Variants in NDST4 observed in about 807,000 individuals in gnomAD.
NDST4 encodes the protein N-deacetylase and N-sulfotransferase 4.
Under a neutral mutation model 100.8 loss-of-function variants are expected in NDST4, and 63 were observed. That is an observed-to-expected ratio of 0.62 (90% CI 0.51 to 0.77). The LOEUF (loss-of-function observed/expected upper bound fraction) is 0.77, where lower values mean the gene tolerates loss of function less well. Ranked by LOEUF, NDST4 falls within the 30% of genes least tolerant of loss-of-function variation. The pLI is 0.00. For synonymous variants in NDST4, 377 were observed against 361.8 expected (o/e 1.04, Z -0.48); for missense variants, 943 against 1,018.4 (o/e 0.93, Z 1.01).
At chr4:114,978,015 C>G (rs540790702) in intron 2 of NDST4, among the ~76,000 whole-genome samples, 1 of 152,036 alleles carries the variant, frequency 6.6e-6, no homozygotes, top group South Asian at 2.1e-4. Context: ...AAATTTGTTG[C>G]CAATCCTTTC....
chr4:114,898,771 T>G (rs1724770478), intron 6 of NDST4, among the ~76,000 whole-genome samples: 1 of 152,334 alleles, frequency 6.6e-6, no homozygotes, highest in South Asian at 2.1e-4. Context: ...TATACCTAAA[T>G]ATTTCATTTT....
Position 115,046,894 on chromosome 4 carries a change from A to G in NDST4, c.978+29165T>C, listed in dbSNP as rs1445454904. On this transcript the variant is annotated intron_variant, in intron 2 of 13. Transcript: ENST00000264363. ...AAAATTGTAAGAAATATTAACTCTT[A>G]AAAATGACTTCCTTTTCATATATTT... 3.9e-5 allele frequency among the ~76,000 whole-genome samples: 6 copies of G among 152,250 alleles called. No homozygotes were observed. The East Asian group carries it at 1.2e-3, about 29-fold the overall frequency.
chr4:115,037,180 G>T (rs977743657), intron 2 of NDST4, among the ~76,000 whole-genome samples: 2 of 151,766 alleles, frequency 1.3e-5, no homozygotes, highest in African/African-American at 2.4e-5. Flanking sequence ...CTTCCTGAAA[G>T]AAAAAAAGAT....
intron 2 of NDST4, among the ~76,000 whole-genome samples, chr4:115,046,479 A>G (rs1490889613): frequency 1.3e-5 from 2 of 152,134 alleles, no homozygotes; most frequent in Non-Finnish European, 2.9e-5. Context: ...ACTGTGGCAT[A>G]TTTTCCCAAG....
intron 2 of NDST4, among the ~76,000 whole-genome samples, chr4:115,023,265 C>T (rs1447475987): frequency 1.3e-5 from 2 of 152,116 alleles, no homozygotes; most frequent in Admixed American, 6.6e-5. Context: ...GCAGGCAGAT[C>T]ACTTGAGGTC....
At chr4:114,900,796 A>G (rs578109075) in intron 6 of NDST4, among the ~76,000 whole-genome samples, 1 of 152,244 alleles carries the variant, frequency 6.6e-6, no homozygotes, top group Admixed American at 6.5e-5. Context: ...AGATTTTCTT[A>G]TAAGCACTGC....
At chr4:115,074,662 T>C (rs1211061035) in intron 2 of NDST4, among the ~76,000 whole-genome samples, 1 of 152,156 alleles carries the variant, frequency 6.6e-6, no homozygotes, top group Non-Finnish European at 1.5e-5. Context: ...GGTTCACATA[T>C]ACTTTGAAGG....
Position 115,058,263 on chromosome 4 carries a change from T to C in NDST4, c.978+17796A>G, listed in dbSNP as rs145312196. Among the ~76,000 whole-genome samples the C allele has an allele frequency of 2.6e-5, 4 of 152,304 alleles. No individual in the cohort carries two copies. The East Asian group carries it at 5.8e-4, about 22-fold the overall frequency. On this transcript the variant is annotated intron_variant, in intron 2 of 13. Coordinates refer to ENST00000264363, the MANE Select transcript of NDST4 (RefSeq NM_022569.3). ...AATGTGACTTTTTAAAAATTCCTTG[T>C]ATAATGTTAATGATATTCAATCATG... is the stretch of plus-strand genomic sequence containing the variant.
At chr4:115,073,842 A>G (rs1042021583) in intron 2 of NDST4, among the ~76,000 whole-genome samples, 8 of 152,058 alleles carry the variant, frequency 5.3e-5, no homozygotes, top group Non-Finnish European at 8.8e-5. Flanking sequence ...ATTAATTCCT[A>G]TGTCATTTTT....
At chr4:115,106,244 T>C (rs1729831571) in intron 1 of NDST4, among the ~76,000 whole-genome samples, 1 of 152,122 alleles carries the variant, frequency 6.6e-6, no homozygotes, top group Non-Finnish European at 1.5e-5. Context: ...TTGTATTAAA[T>C]AGGATCACAG....
chr4:115,000,052 A>C (rs1727252353), intron 2 of NDST4, among the ~76,000 whole-genome samples: 1 of 151,938 alleles, frequency 6.6e-6, no homozygotes, highest in Admixed American at 6.6e-5. Flanking sequence ...CTATGTTGTA[A>C]TCTAATGCCA....
At chr4:114,860,986 C>G (rs575544512) in intron 7 of NDST4, among the ~76,000 whole-genome samples, 2 of 152,324 alleles carry the variant, frequency 1.3e-5, no homozygotes, top group South Asian at 4.1e-4. Context: ...ATAATTCAAA[C>G]AGGCTATTAA....
In NDST4 at chr4:115,071,999, A is replaced by C. The variant is rs538055016; in HGVS notation, c.978+4060T>G. ...AATTATAGAAGTTCAAGAAAAACAC[A>C]GAGATAAAAAGCCATAAAGCTTATT... On this transcript the variant is annotated intron_variant, in intron 2 of 13. Transcript: ENST00000264363. Among the ~76,000 whole-genome samples the C allele has an allele frequency of 2.2e-4, 34 of 152,252 alleles. 1 individual carries two copies. The South Asian group carries it at 6.8e-3, about 31-fold the overall frequency.
intron 6 of NDST4, among the ~76,000 whole-genome samples, chr4:114,883,854 C>A (rs529625545): frequency 6.6e-6 from 1 of 152,036 alleles, no homozygotes; most frequent in African/African-American, 2.4e-5. Flanking sequence ...CCCTTGCATG[C>A]GCAGTTCACA....
At chr4:114,865,462 C>T (rs1317169174) in intron 7 of NDST4, among the ~76,000 whole-genome samples, 1 of 152,124 alleles carries the variant, frequency 6.6e-6, no homozygotes, top group Non-Finnish European at 1.5e-5. Flanking sequence ...AGAAAGCCAA[C>T]TCAATAAAAT....
intron 4 of NDST4, among the ~76,000 whole-genome samples, chr4:114,947,367 C>T (rs1471538328): frequency 1.3e-5 from 2 of 152,072 alleles, no homozygotes; most frequent in African/African-American, 2.4e-5. Flanking sequence ...GGAAAGCAAG[C>T]GCCCAAGAAG....
intron 1 of NDST4, among the ~76,000 whole-genome samples, chr4:115,084,391 GAGAAATTCAAGCCTGCTGC>G (rs1488462738): frequency 1.3e-5 from 2 of 152,202 alleles, no homozygotes; most frequent in Non-Finnish European, 2.9e-5. Flanking sequence ...ATATTCTGGG[GAGAAATTCAAGCCTGCTGC>G]AGAAATTTGC....
At chr4:115,098,484 G>A (rs745991419) in intron 1 of NDST4, among the ~76,000 whole-genome samples, 31 of 152,096 alleles carry the variant, frequency 2.0e-4, no homozygotes, top group African/African-American at 5.1e-4. Flanking sequence ...AAAAGAACAC[G>A]CAAAGTATAT....
intron 11 of NDST4, among the ~76,000 whole-genome samples, chr4:114,836,363 G>A (rs1019552103): frequency 2.6e-5 from 4 of 151,976 alleles, no homozygotes; most frequent in Admixed American, 6.6e-5. Context: ...TTTCTCTTTC[G>A]CTTATGAAGC....
Sources: allele counts gnomAD v4.1 joint callset (sites outside exome capture counted in the v4.1 genomes callset), GRCh38; gene constraint gnomAD v4.1.1; transcripts MANE v1.5; gene names NCBI Gene and HGNC (gene_info 2026-07-23, HGNC 2026-07-21).